MRPL48: variants seen among roughly 807,000 people sequenced by gnomAD.
MRPL48 encodes large ribosomal subunit protein mL48.
MRPL48 carries 16 observed loss-of-function variants against 32.9 expected under a neutral mutation model. The ratio of observed to expected loss-of-function variants is 0.49; its 90% CI spans 0.33 to 0.74. MRPL48 has a LOEUF of 0.74. Ranked by LOEUF, MRPL48 falls within the 30% of genes least tolerant of loss-of-function variation. The pLI, the probability that MRPL48 is intolerant of heterozygous loss-of-function variation, is 0.02. For synonymous variants in MRPL48, 94 were observed against 89.2 expected, an observed-to-expected ratio of 1.05 and a Z score of -0.31; for missense variants, 206 against 245.3, an observed-to-expected ratio of 0.84 and a Z score of 1.07.
chr11:73,850,238 CAAA>C (rs34826026), intron 5 of MRPL48, among the ~76,000 whole-genome samples: 1 of 149,792 alleles, frequency 6.7e-6, no homozygotes, highest in South Asian at 2.1e-4. Flanking sequence ...ATTTTAATAA[CAAA>C]AATTTTTTTT....
At chr11:73,795,342 C>T (rs1472906052) in intron 1 of MRPL48, among the ~76,000 whole-genome samples, 2 of 151,798 alleles carry the variant, frequency 1.3e-5, no homozygotes, top group Non-Finnish European at 2.9e-5. Context: ...GGATTACAGG[C>T]GTGAGCCTGG....
chr11:73,863,543 G>A (rs1948620334), intron 7 of MRPL48, among the ~76,000 whole-genome samples: 1 of 152,136 alleles, frequency 6.6e-6, no homozygotes, highest in Non-Finnish European at 1.5e-5. Flanking sequence ...CTGTCAGGCA[G>A]TTGCGTGGAA....
chr11:73,854,176 TGC>T (rs1255815244), intron 5 of MRPL48, among the ~76,000 whole-genome samples: 2 of 152,204 alleles, frequency 1.3e-5, no homozygotes, highest in African/African-American at 2.4e-5. Flanking sequence ...ACCACGGAAT[TGC>T]TGTTTTCCCT....
chr11:73,801,291 A>G (rs1357683140), intron 1 of MRPL48, among the ~76,000 whole-genome samples: 1 of 151,902 alleles, frequency 6.6e-6, no homozygotes, highest in Admixed American at 6.6e-5. Flanking sequence ...TCTCATTTCT[A>G]TTGTTTGTCA....
chr11:73,793,215 A>T (rs1417760229), intron 1 of MRPL48, among the ~76,000 whole-genome samples: 1 of 152,156 alleles, frequency 6.6e-6, no homozygotes, highest in Non-Finnish European at 1.5e-5. Flanking sequence ...ACAGGCATGC[A>T]CTACCATGCC....
chr11:73,846,893 C>G (rs1471496017), intron 5 of MRPL48, among the ~76,000 whole-genome samples: 1 of 151,908 alleles, frequency 6.6e-6, no homozygotes, highest in Non-Finnish European at 1.5e-5. Flanking sequence ...ATGACCTAGT[C>G]CTCTGAATGC....
chr11:73,851,008 A>G (rs890683539), intron 5 of MRPL48: 1 of 447,628 alleles, frequency 2.2e-6, no homozygotes, highest in Non-Finnish European at 4.4e-6. Flanking sequence ...CTCTGTTCCT[A>G]CTGGCAAGAG....
chr11:73,853,892 G>T (rs1430129403), intron 5 of MRPL48, among the ~76,000 whole-genome samples: 1 of 151,826 alleles, frequency 6.6e-6, no homozygotes, highest in Non-Finnish European at 1.5e-5. Flanking sequence ...GGGTTTCACC[G>T]TGTTAGCCAG....
chr11:73,794,516 T>C (rs1035031906), intron 1 of MRPL48, among the ~76,000 whole-genome samples: 7 of 150,202 alleles, frequency 4.7e-5, no homozygotes, highest in Non-Finnish European at 7.4e-5. Flanking sequence ...GATCGTGTTA[T>C]TGCACTCCAG....
At chr11:73,803,480 C>A (rs975216795) in intron 1 of MRPL48, among the ~76,000 whole-genome samples, 3 of 151,942 alleles carry the variant, frequency 2.0e-5, no homozygotes, top group Non-Finnish European at 4.4e-5. Flanking sequence ...GGTATATTAG[C>A]TAGTGTCCAT....
intron 1 of MRPL48, among the ~76,000 whole-genome samples, chr11:73,804,146 C>T (rs1244623950): frequency 3.9e-5 from 6 of 152,144 alleles, no homozygotes; most frequent in African/African-American, 1.4e-4. Flanking sequence ...TCTTGAACTC[C>T]TGACCTCGTG....
At chr11:73,799,639 C>A (rs1947320677) in intron 1 of MRPL48, among the ~76,000 whole-genome samples, 1 of 151,964 alleles carries the variant, frequency 6.6e-6, no homozygotes, top group South Asian at 2.1e-4. Context: ...GGTGGGAAGG[C>A]AGGAGGGGGA....
chr11:73,821,918 T>A (rs139201972), intron 3 of MRPL48, among the ~76,000 whole-genome samples: 77 of 152,334 alleles, frequency 5.1e-4, no homozygotes, highest in African/African-American at 1.8e-3. Context: ...GTTGAATGGA[T>A]GATCATACTT....
chr11:73,820,199 A>C (rs1214443527), intron 3 of MRPL48, among the ~76,000 whole-genome samples: 2 of 152,162 alleles, frequency 1.3e-5, no homozygotes, highest in Non-Finnish European at 2.9e-5. Flanking sequence ...AAGGCCCAGC[A>C]CGGTTGATTC....
chr11:73,863,105 C>T (rs1591016225), intron 6 of MRPL48, 67 bp from the exon 7 acceptor site: 4 of 1,375,122 alleles, frequency 2.9e-6, no homozygotes, highest in Admixed American at 2.0e-5. Context: ...GAACCCATAC[C>T]ATGTCTGCCC....
At chr11:73,843,573 C>G (rs983343773) in intron 4 of MRPL48, among the ~76,000 whole-genome samples, 1 of 152,102 alleles carries the variant, frequency 6.6e-6, no homozygotes, top group African/African-American at 2.4e-5. Context: ...TGTAGTGAAG[C>G]AATATTTTGT....
intron 3 of MRPL48, among the ~76,000 whole-genome samples, chr11:73,820,369 C>A (rs980688714): frequency 6.6e-6 from 1 of 152,138 alleles, no homozygotes; most frequent in African/African-American, 2.4e-5. Flanking sequence ...GGACTACAGG[C>A]ATGTACCATC....
Position 73,864,523 on chromosome 11 carries a change from G to A in MRPL48, c.*153G>A, listed in dbSNP as rs1948636273. The A allele has an allele frequency of 8.7e-6, 6 of 691,486 alleles. No individual in the cohort carries two copies. In the South Asian group the frequency reaches 9.1e-5, roughly 11 times the overall value. The allele number at this position is 691,486 out of a possible 1,614,324, so 42.8% of individuals were successfully genotyped here. On this transcript the variant is annotated 3_prime_UTR_variant, in exon 8 of 8. Coordinates refer to ENST00000310614, the MANE Select transcript of MRPL48 (RefSeq NM_016055.6). ...AATGTCCTCACTCCTCTGTGGCTTG[G>A]CTGTACTTGCCATTTCTTACCACTT... is the stretch of plus-strand genomic sequence containing the variant.
At chr11:73,826,351 A>G (rs1348367338) in intron 4 of MRPL48, among the ~76,000 whole-genome samples, 2 of 152,176 alleles carry the variant, frequency 1.3e-5, no homozygotes, top group Admixed American at 6.5e-5. Context: ...TTAAAAAAAA[A>G]TCTTCCTAGT....
Sources: allele counts gnomAD v4.1 joint callset (sites outside exome capture counted in the v4.1 genomes callset), GRCh38; gene constraint gnomAD v4.1.1; transcripts MANE v1.5; gene names NCBI Gene and HGNC (gene_info 2026-07-23, HGNC 2026-07-21).